KPNA1: variants seen among roughly 807,000 people sequenced by gnomAD.
The protein encoded by KPNA1 is importin subunit alpha-5.
A neutral mutation model predicts 70.5 loss-of-function variants in KPNA1; 10 were observed. The ratio of observed to expected loss-of-function variants is 0.14; its 90% CI spans 0.09 to 0.24. KPNA1 has a LOEUF of 0.24. KPNA1 is among the 10% of genes least tolerant of loss of function. The pLI, the probability that KPNA1 is intolerant of heterozygous loss-of-function variation, is 1.00. For synonymous variants in KPNA1, 192 were observed against 221.9 expected, an observed-to-expected ratio of 0.87 and a Z score of 1.20; for missense variants, 397 against 637.9, an observed-to-expected ratio of 0.62 and a Z score of 4.07.
At chr3:122,428,582 A>AAT (rs1272649108) in intron 12 of KPNA1, among the ~76,000 whole-genome samples, 3 of 152,204 alleles carry the variant, frequency 2.0e-5, no homozygotes, top group Non-Finnish European at 4.4e-5. Flanking sequence ...AAGGATAATA[A>AAT]AGGAATACTA....
chr3:122,446,560 A>G (rs952434466), intron 9 of KPNA1, among the ~76,000 whole-genome samples: 11 of 152,262 alleles, frequency 7.2e-5, no homozygotes, highest in Non-Finnish European at 1.3e-4. Flanking sequence ...AATGCCCACA[A>G]GAGAAAGCAG....
chr3:122,509,695 A>G (rs2076934868), intron 1 of KPNA1, among the ~76,000 whole-genome samples: 1 of 152,208 alleles, frequency 6.6e-6, no homozygotes, highest in Admixed American at 6.5e-5. Flanking sequence ...ACCAACCACA[A>G]TGTTATACAA....
chr3:122,485,072 G>A (rs1397719023), intron 2 of KPNA1, among the ~76,000 whole-genome samples: 1 of 152,056 alleles, frequency 6.6e-6, no homozygotes, highest in Non-Finnish European at 1.5e-5. Flanking sequence ...TGTTGTTGCT[G>A]TTGTTGTTGT....
At chr3:122,429,914 G>A (rs1301745608) in intron 12 of KPNA1, among the ~76,000 whole-genome samples, 5 of 152,050 alleles carry the variant, frequency 3.3e-5, no homozygotes, top group Non-Finnish European at 7.4e-5. Context: ...TATCCTAGAT[G>A]CCATTTAGGC....
intron 1 of KPNA1, 180 bp from the exon 2 acceptor site, chr3:122,496,750 C>A (rs2076766328): frequency 8.1e-6 from 4 of 492,816 alleles, no homozygotes; most frequent in Non-Finnish European, 1.4e-5. Context: ...TCCACCCGGA[C>A]TGGAGTACAG....
rs1424372603 is a variant in KPNA1 at position 122,467,448 on chromosome 3, G to T, written c.130-19C>A. On this transcript the variant is annotated intron_variant, in intron 2 of 13. Transcript: ENST00000344337. ...TGAATAACTGAAAGATAAAAGATTG[G>T]TAGCAATGTAAATGTAAATTCTAAC... 1.3e-6 allele frequency: 2 copies of T among 1,487,370 alleles called. No homozygotes were observed. The highest frequency in any genetic ancestry group is 1.9e-6 in the Non-Finnish European group (2 of 1,070,066). The allele number at this position is 1,487,370 out of a possible 1,614,324, so 92.1% of individuals were successfully genotyped here. A position where few individuals can be genotyped will look rare whatever the true frequency, so the allele number is the denominator to read the frequency against.
At chr3:122,450,687 CAG>C in intron 8 of KPNA1, among the ~76,000 whole-genome samples, 1 of 152,316 alleles carries the variant, frequency 6.6e-6, no homozygotes, top group East Asian at 1.9e-4. Flanking sequence ...CTATGGAAAA[CAG>C]TGTGGAGATT....
chr3:122,487,463 A>G (rs2076642794), intron 2 of KPNA1, among the ~76,000 whole-genome samples: 1 of 152,252 alleles, frequency 6.6e-6, no homozygotes, highest in Non-Finnish European at 1.5e-5. Flanking sequence ...TTGCACTCTC[A>G]TGCTCATTGC....
chr3:122,469,641 A>T (rs983180582), intron 2 of KPNA1, among the ~76,000 whole-genome samples: 5 of 152,142 alleles, frequency 3.3e-5, no homozygotes, highest in Non-Finnish European at 7.4e-5. Flanking sequence ...CAGCAGCCCA[A>T]CCCAGTTTGG....
Position 122,422,357 on chromosome 3 carries a change from A to C in KPNA1, c.*4628T>G, listed in dbSNP as rs1266102412. On this transcript the variant is annotated 3_prime_UTR_variant, in exon 14 of 14. Coordinates refer to ENST00000344337, the MANE Select transcript of KPNA1 (RefSeq NM_002264.4). ...AAAATCATTTGCACAAAAAAAAAAA[A>C]AAAAAAAACCTATTACCATACTTGT... 6.6e-6 allele frequency: 1 copy of C among 152,142 alleles called. No individual in the cohort carries two copies. Among genetic ancestry groups the C allele is most frequent in the Non-Finnish European group, 1.5e-5 (1 of 68,004 alleles). 9.4% of individuals were successfully genotyped at this position (152,142 alleles called of 1,614,324 possible). A position where few individuals can be genotyped will look rare whatever the true frequency, so the allele number is the denominator to read the frequency against.
chr3:122,450,017 T>C (rs2076181639), intron 8 of KPNA1, among the ~76,000 whole-genome samples: 1 of 152,200 alleles, frequency 6.6e-6, no homozygotes, highest in South Asian at 2.1e-4. Context: ...AACACATTCT[T>C]TGTGGACTAA....
intron 2 of KPNA1, among the ~76,000 whole-genome samples, chr3:122,473,572 G>A (rs2076466261): frequency 6.6e-6 from 1 of 151,986 alleles, no homozygotes; most frequent in Admixed American, 6.6e-5. Context: ...TCCAACATTT[G>A]AAAATCATTA....
chr3:122,472,063 A>G (rs1227576382), intron 2 of KPNA1, among the ~76,000 whole-genome samples: 1 of 152,232 alleles, frequency 6.6e-6, no homozygotes, highest in East Asian at 1.9e-4. Context: ...CAGTAAGGAC[A>G]TAATTGAACT....
intron 2 of KPNA1, among the ~76,000 whole-genome samples, chr3:122,473,833 A>G (rs190422150): frequency 1.8e-4 from 28 of 152,316 alleles, no homozygotes; most frequent in Admixed American, 1.8e-3. Flanking sequence ...CCTTTTCAAC[A>G]TTGTATTGCA....
At chr3:122,444,076 G>GC (rs1333969788) in intron 9 of KPNA1, among the ~76,000 whole-genome samples, 3 of 152,128 alleles carry the variant, frequency 2.0e-5, no homozygotes, top group Non-Finnish European at 4.4e-5. Flanking sequence ...TTTAGAGGCC[G>GC]CCCCCTGGGA....
chr3:122,503,208 T>G (rs773299940), intron 1 of KPNA1, among the ~76,000 whole-genome samples: 2 of 152,014 alleles, frequency 1.3e-5, no homozygotes, highest in Non-Finnish European at 2.9e-5. Flanking sequence ...GTATTCAATG[T>G]GGAGTTGTAA....
At chr3:122,429,076 G>C (rs1438595769) in intron 12 of KPNA1, among the ~76,000 whole-genome samples, 9 of 152,122 alleles carry the variant, frequency 5.9e-5, no homozygotes, top group Admixed American at 5.2e-4. Flanking sequence ...TTAAAAAAAT[G>C]AATCAATGTA....
intron 5 of KPNA1, 75 bp from the exon 6 acceptor site, chr3:122,454,076 TGTACATGAAA>T (rs1216107947): frequency 9.8e-7 from 1 of 1,017,654 alleles, no homozygotes; most frequent in Non-Finnish European, 1.4e-6. Context: ...TAACATTTTC[TGTACATGAAA>T]AAAAGATTCT....
chr3:122,437,187 T>C lies in KPNA1; in HGVS notation c.1105A>G (p.Asn369Asp). ...CWTISNITAG[N>D]RAQIQTVIDA... ...GAGGTTACCTGGATCTGTGCCCTAT[T>C]TCCAGCTGTAATATTAGATATCGTC... The change falls in exon 11 of 14, where the codon AAT (asparagine) becomes GAT (aspartate). Residue 369 changes from asparagine to aspartate, a missense_variant. Transcript: ENST00000344337. The C allele has an allele frequency of 1.2e-6, 2 of 1,613,850 alleles. No individual in the cohort carries two copies. Among genetic ancestry groups the C allele is most frequent in the Non-Finnish European group, 1.7e-6 (2 of 1,179,850 alleles).
Sources: gnomAD v4.1 joint callset for allele counts (sites outside exome capture counted in the v4.1 genomes callset) on GRCh38, gnomAD v4.1.1 for gene constraint, MANE v1.5 for transcripts, NCBI Gene and HGNC (gene_info 2026-07-23, HGNC 2026-07-21) for gene names.